The following ZFHX2 variants were observed in gnomAD, a reference collection of about 807,000 sequenced individuals.
ZFHX2 encodes the protein zinc finger homeobox 2, also known as zinc finger homeobox protein 2.
A neutral mutation model predicts 164.8 loss-of-function variants in ZFHX2; 75 were observed. That is an observed-to-expected ratio of 0.46 (90% CI 0.38 to 0.55). ZFHX2 has a LOEUF of 0.55. ZFHX2 is among the 20% of genes least tolerant of loss of function. The pLI, the probability that ZFHX2 is intolerant of heterozygous loss-of-function variation, is 0.00. For synonymous variants in ZFHX2, 1,217 were observed against 1,351.4 expected (o/e 0.90, Z 2.18); for missense variants, 2,933 against 3,308.0 (o/e 0.89, Z 2.78).
rs1955828669 is a variant in ZFHX2 at position 23,521,611 on chromosome 14, C to G, written c.*351G>C. 1 of 228,536 alleles carries G rather than the reference C, an allele frequency of 4.4e-6. No individual in the cohort carries two copies. Among genetic ancestry groups the G allele is most frequent in the South Asian group, 9.7e-5 (1 of 10,338 alleles). The allele number at this position is 228,536 out of a possible 1,614,324, so 14.2% of individuals were successfully genotyped here. ...TTATGGGGATGGGGAGCTGGGAATT[C>G]AGTGAGGAAAAGGAAGATAGAACCA... On this transcript the variant is annotated 3_prime_UTR_variant, in exon 10 of 10. Transcript: ENST00000419474.
chr14:23,534,168 G>A lies in ZFHX2; in HGVS notation c.1158C>T (p.Cys386=). ...PEGQEEDGGL[C]PPLNQSSPTS... is the part of the protein sequence containing the mutation. ...TGGGTGAGCTTTGGTTGAGTGGGGG[G>A]CAGAGCCCTCCATCCTCTTCTTGCC... The change falls in exon 2 of 10, where the codon TGC becomes TGT. Residue 386 remains cysteine (C), a synonymous_variant. Coordinates refer to ENST00000419474, the MANE Select transcript of ZFHX2 (RefSeq NM_033400.3). The surrounding 1 kb of genome is among the most constrained non-coding windows in gnomAD (Gnocchi z 4.5). 5 of 1,474,210 alleles carry A rather than the reference G, an allele frequency of 3.4e-6. No homozygotes were observed. Among genetic ancestry groups the A allele is most frequent in the Non-Finnish European group, 4.5e-6 (5 of 1,116,504 alleles). 91.3% of individuals were successfully genotyped at this position (1,474,210 alleles called of 1,614,324 possible). A position where few individuals can be genotyped will look rare whatever the true frequency, so the allele number is the denominator to read the frequency against.
At position 23,526,366 on chromosome 14, in the gene ZFHX2, C is replaced by A; in HGVS notation, c.3576G>T (p.Lys1192Asn). ...DKFLDPARPYKCTVCKESFTQ... is the reference protein window; with the variant it reads ...DKFLDPARPYNCTVCKESFTQ... The stretch of plus-strand genomic sequence containing the variant: ...TGAAGGACTCCTTACACACAGTGCA[C>A]TTATAGGGCCGGGCAGGGTCGAGAA... Residue 1192 changes from lysine (K) to asparagine (N), a missense_variant, in exon 9 of 10, where the codon AAG becomes AAT. Coordinates refer to ENST00000419474, the MANE Select transcript of ZFHX2 (RefSeq NM_033400.3). The A allele has an allele frequency of 6.5e-7, 1 of 1,536,340 alleles. No homozygotes were observed. Among genetic ancestry groups the A allele is most frequent in the Non-Finnish European group, 8.7e-7 (1 of 1,146,910 alleles).
intron 5 of ZFHX2, 101 bp from the exon 6 acceptor site, chr14:23,529,869 C>T: frequency 1.6e-6 from 2 of 1,220,240 alleles, no homozygotes; most frequent in South Asian, 1.3e-5. Context: ...AGAGAAAGGG[C>T]AGGAAACTCA....
chr14:23,547,964 C>G (rs920658069), intron 1 of ZFHX2, among the ~76,000 whole-genome samples: 1 of 152,160 alleles, frequency 6.6e-6, no homozygotes, highest in Non-Finnish European at 1.5e-5. Flanking sequence ...TCCCATTTCC[C>G]CCCTTTCTGT....
chr14:23,521,793 C>G lies in ZFHX2; in HGVS notation c.*169G>C, dbSNP rs923253053. On this transcript the variant is annotated 3_prime_UTR_variant, in exon 10 of 10. Transcript: ENST00000419474. ...GTGGGGATTGGGAGGAGGCAGGACTCTGCTGGAAGTGGGGTGTGTGGTGCC... is the reference window on the plus strand; with the variant it reads ...GTGGGGATTGGGAGGAGGCAGGACTGTGCTGGAAGTGGGGTGTGTGGTGCC... 8.2e-7 allele frequency: 1 copy of G among 1,222,172 alleles called. No individual in the cohort carries two copies. Among genetic ancestry groups the G allele is most frequent in the African/African-American group, 1.5e-5 (1 of 65,466 alleles). The allele number at this position is 1,222,172 out of a possible 1,614,324, so 75.7% of individuals were successfully genotyped here.
Position 23,524,360 on chromosome 14 carries a change from C to T in ZFHX2, c.5582G>A (p.Arg1861His), listed in dbSNP as rs370465817. ...EGEPPRDKRL[R>H]TTILPEQLEI... Reference sequence around the variant, plus strand: ...TAGCTGCTCAGGCAAGATGGTGGTGCGCAGGCGCTTGTCCCTGGGGGGCTC... The same window carrying T: ...TAGCTGCTCAGGCAAGATGGTGGTGTGCAGGCGCTTGTCCCTGGGGGGCTC... The change falls in exon 9 of 10, where the codon CGC becomes CAC. Residue 1861 changes from arginine (R) to histidine (H), a missense_variant. Arg to His is a conservative substitution (Grantham distance 29, BLOSUM62 0). Transcript: ENST00000419474. This position sits in a 1 kb window ranked among gnomAD's most constrained non-coding sequence, Gnocchi z 5.6. The T allele has an allele frequency of 7.8e-6, 12 of 1,536,258 alleles. No individual in the cohort carries two copies. The highest frequency in any genetic ancestry group is 8.7e-6 in the Non-Finnish European group (10 of 1,146,930).
rs1019582795 is a variant in ZFHX2, at chr14:23,524,796, C to G, written c.5146G>C (p.Glu1716Gln). 2.0e-6 allele frequency: 3 copies of G among 1,536,838 alleles called. No individual in the cohort carries two copies. Among genetic ancestry groups the G allele is most frequent in the Non-Finnish European group, 2.6e-6 (3 of 1,147,078 alleles). ...CCCTGTTCCTCCTCTACTTCTTCTT[C>G]TTCCACCTCTTCCTCCTCTTCCCCT... ...ERGEEEEEVE[E>Q]EEVEEEQGLE... is the part of the protein sequence containing the mutation. Residue 1716 changes from glutamate to glutamine, a missense_variant, in exon 9 of 10, where the codon GAA becomes CAA. Transcript: ENST00000419474. This position sits in a 1 kb window ranked among gnomAD's most constrained non-coding sequence, Gnocchi z 5.6.
chr14:23,528,507 C>T, intron 6 of ZFHX2: 1 of 761,468 alleles, frequency 1.3e-6, no homozygotes. Flanking sequence ...CTTACCTATC[C>T]TATCCTGTCG....
Position 23,525,478 on chromosome 14 carries a change from G to C in ZFHX2, c.4464C>G (p.Leu1488=). The change falls in exon 9 of 10, where the codon CTC becomes CTG. Residue 1488 remains leucine, a synonymous_variant. Transcript: ENST00000419474. The surrounding 1 kb of genome is among the most constrained non-coding windows in gnomAD (Gnocchi z 5.9). ...DKLACGACGK[L]FSNMLILKTH... is the part of the protein sequence containing the mutation. Reference sequence around the variant, plus strand: ...TCTTGAGGATAAGCATATTGGAGAAGAGTTTCCCACAGGCCCCACAGGCCA... The same window carrying C: ...TCTTGAGGATAAGCATATTGGAGAACAGTTTCCCACAGGCCCCACAGGCCA... 2 of 1,536,050 alleles carry C rather than the reference G, an allele frequency of 1.3e-6. No homozygotes were observed. The highest frequency in any genetic ancestry group is 1.7e-6 in the Non-Finnish European group (2 of 1,146,910).
At chr14:23,536,028 TCAA>T (rs1880105231) in intron 1 of ZFHX2, among the ~76,000 whole-genome samples, 1 of 152,192 alleles carries the variant, frequency 6.6e-6, no homozygotes, top group Non-Finnish European at 1.5e-5. Context: ...CATATCCACT[TCAA>T]CAGCAACTTC....
upstream of ZFHX2, among the ~76,000 whole-genome samples, chr14:23,551,858 C>T (rs1264151557): frequency 2.0e-5 from 3 of 152,206 alleles, no homozygotes; most frequent in Middle Eastern, 3.2e-3. This position sits in a 1 kb window ranked among gnomAD's most constrained non-coding sequence, Gnocchi z 5.3. Context: ...CTGTTCGCGC[C>T]CGCCCGCCTG....
At position 23,521,976 on chromosome 14, in the gene ZFHX2, G is replaced by A; in HGVS notation, c.7705C>T (p.Leu2569Phe). ...SNPKTTTTST[L>F]LAL ...GGTTAATCTGTTTATAAAGCTAGAA[G>A]TGTAGAGGTAGTCGTAGTTTTTGGG... The change falls in exon 10 of 10, where the codon CTT becomes TTT. Residue 2569 changes from leucine (L) to phenylalanine (F), a missense_variant. Coordinates refer to ENST00000419474, the MANE Select transcript of ZFHX2 (RefSeq NM_033400.3). 6.5e-7 allele frequency: 1 copy of A among 1,536,372 alleles called. No individual in the cohort carries two copies. The highest frequency in any genetic ancestry group is 8.7e-7 in the Non-Finnish European group (1 of 1,146,918).
At position 23,533,621 on chromosome 14, in the gene ZFHX2, A is replaced by C. The variant is rs1282253721; in HGVS notation, c.1705T>G (p.Trp569Gly). The change falls in exon 2 of 10, where the codon TGG becomes GGG. Residue 569 changes from tryptophan (W) to glycine (G), a missense_variant. Coordinates refer to ENST00000419474, the MANE Select transcript of ZFHX2 (RefSeq NM_033400.3). This position sits in a 1 kb window ranked among gnomAD's most constrained non-coding sequence, Gnocchi z 4.8. ...GDKEPKTKSS[W>G]QCKVCSYETN... ...TCGTAGCTGCACACCTTGCACTGCC[A>C]GGATGATTTGGTCTTAGGCTCTTTG... 5 of 1,536,874 alleles carry C rather than the reference A, an allele frequency of 3.3e-6. No individual in the cohort carries two copies. The highest frequency in any genetic ancestry group is 4.4e-6 in the Non-Finnish European group (5 of 1,147,050).
rs1014469606 is a variant in ZFHX2, at chr14:23,551,369, T to C, written c.-76A>G. ...CCTCAGCTGGAAGCAGGGACGGGAG[T>C]CGAACCGCGGCCACCGAGCAGCGCG... On this transcript the variant is annotated 5_prime_UTR_variant, in exon 1 of 10. Transcript: ENST00000419474. The surrounding 1 kb of genome is among the most constrained non-coding windows in gnomAD (Gnocchi z 5.3). The C allele has an allele frequency of 6.6e-6, 1 of 151,060 alleles. No individual in the cohort carries two copies. Among genetic ancestry groups the C allele is most frequent in the Non-Finnish European group, 1.5e-5 (1 of 67,654 alleles). 9.4% of individuals were successfully genotyped at this position (151,060 alleles called of 1,614,324 possible). A position where few individuals can be genotyped will look rare whatever the true frequency, so the allele number is the denominator to read the frequency against.
In ZFHX2 at chr14:23,526,893, G is replaced by A. The variant is rs1045395207; in HGVS notation, c.3216C>T (p.Pro1072=). ...TLSPLDNGQE[P]PTHGPEPTPS... The stretch of plus-strand genomic sequence containing the variant: ...GTGTAGGCTCTGGCCCATGAGTGGG[G>A]GGTTCTTGGCCATTGTCCAGAGGGC... Residue 1072 remains proline (P), a synonymous_variant, in exon 8 of 10, where the codon CCC becomes CCT. Coordinates refer to ENST00000419474, the MANE Select transcript of ZFHX2 (RefSeq NM_033400.3). 9 of 1,534,128 alleles carry A rather than the reference G, an allele frequency of 5.9e-6. No individual in the cohort carries two copies. The African/African-American group carries it at 1.1e-4, about 19-fold the overall frequency.
At position 23,525,632 on chromosome 14, in the gene ZFHX2, CGGGCAGCCTCGTT is replaced by C; in HGVS notation, c.4297_4309del (p.Asn1433AlafsTer8). 1 of 1,535,788 alleles carries C rather than the reference CGGGCAGCCTCGTT, an allele frequency of 6.5e-7. No individual in the cohort carries two copies. The highest frequency in any genetic ancestry group is 8.7e-7 in the Non-Finnish European group (1 of 1,146,874). On this transcript the variant is annotated frameshift_variant, in exon 9 of 10. Transcript: ENST00000419474. LOFTEE classifies it high-confidence loss of function. The surrounding 1 kb of genome is among the most constrained non-coding windows in gnomAD (Gnocchi z 5.9). Reference sequence around the variant, plus strand: ...TTCTAGAAGGGCTTTGGCTGCAGTGCGGGCAGCCTCGTTGGGCAATGGGTCGGGGGGTGAGGAA... The same window carrying C: ...TTCTAGAAGGGCTTTGGCTGCAGTGCGGGCAATGGGTCGGGGGGTGAGGAA...
At chr14:23,549,745 A>G (rs1309161343) in intron 1 of ZFHX2, among the ~76,000 whole-genome samples, 1 of 152,190 alleles carries the variant, frequency 6.6e-6, no homozygotes, top group Non-Finnish European at 1.5e-5. Context: ...GCACTGACTG[A>G]TGGAGGGGTT....
chr14:23,523,088 G>A lies in ZFHX2; in HGVS notation c.6739+115C>T. On this transcript the variant is annotated intron_variant, in intron 9 of 9. Coordinates refer to ENST00000419474, the MANE Select transcript of ZFHX2 (RefSeq NM_033400.3). This position sits in a 1 kb window ranked among gnomAD's most constrained non-coding sequence, Gnocchi z 4.1. ...CCCTTCTTTCCCCCAAGAGCCTGAT[G>A]CAAAGGAAGGCCACAGGAGATTGGG... 1 of 1,400,662 alleles carries A rather than the reference G, an allele frequency of 7.1e-7. No homozygotes were observed. Among genetic ancestry groups the A allele is most frequent in the Non-Finnish European group, 9.2e-7 (1 of 1,082,292 alleles). The allele number at this position is 1,400,662 out of a possible 1,614,324, so 86.8% of individuals were successfully genotyped here.
Position 23,536,954 on chromosome 14 carries a change from A to ACGGTGAAACCC in ZFHX2, c.-49-1581_-49-1580insGGGTTTCACCG, listed in dbSNP as rs113238044. Among the ~76,000 whole-genome samples the ACGGTGAAACCC allele has an allele frequency of 5.7e-3, 859 of 151,734 alleles. 11 individuals carry two copies. Among genetic ancestry groups the ACGGTGAAACCC allele is most frequent in the African/African-American group, 0.02 (823 of 41,352 alleles). On this transcript the variant is annotated intron_variant, in intron 1 of 9. Transcript: ENST00000419474. Reference sequence around the variant, plus strand: ...GGAGTTTGAGACTAGCCTGGCCAACATGGTGAAACCCTGTCTCTACTAAAA... The same window carrying ACGGTGAAACCC: ...GGAGTTTGAGACTAGCCTGGCCAACACGGTGAAACCCTGGTGAAACCCTGTCTCTACTAAAA...
Sources: allele counts gnomAD v4.1 joint callset (sites outside exome capture counted in the v4.1 genomes callset), GRCh38; gene constraint gnomAD v4.1.1; non-coding constraint Gnocchi (gnomAD v3.1); transcripts MANE v1.5; gene names NCBI Gene and HGNC (gene_info 2026-07-23, HGNC 2026-07-21).